ZFAND2A: variants seen among roughly 807,000 people sequenced by gnomAD.
ZFAND2A encodes zinc finger AN1-type containing 2A, also known as AN1-type zinc finger protein 2A.
ZFAND2A carries 20 observed loss-of-function variants against 11.6 expected under a neutral mutation model. The observed-to-expected ratio is 1.72, with a 90% confidence interval of 1.21 to 2.50. ZFAND2A has a LOEUF of 2.50. Ranked by LOEUF, ZFAND2A falls within the 30% of genes most tolerant of loss-of-function variation. The pLI, the probability that ZFAND2A is intolerant of heterozygous loss-of-function variation, is 0.00. For synonymous variants in ZFAND2A, 93 were observed against 60.6 expected (o/e 1.54, Z -2.48); for missense variants, 234 against 182.9 (o/e 1.28, Z -1.61).
At position 1,153,074 on chromosome 7, in the gene ZFAND2A, C is replaced by A. The variant is rs760242065; in HGVS notation, c.433G>T (p.Gly145Trp). 27 of 1,614,062 alleles carry A rather than the reference C, an allele frequency of 1.7e-5. No individual in the cohort carries two copies. The highest frequency in any genetic ancestry group is 3.3e-4 in the Middle Eastern group (2 of 6,084). Reference protein sequence around the residue: ...RHGSRPTIKAG With the variant: ...RHGSRPTIKAW ...CATCGCAGCGGAGTCTCTTCTCACC[C>A]AGCTTTGATGGTGGGGCGACTCCCG... The change falls in exon 5 of 5, where the codon GGG (glycine) becomes TGG (tryptophan). Residue 145 changes from glycine (G) to tryptophan (W), a missense_variant. Coordinates refer to ENST00000316495, the MANE Select transcript of ZFAND2A (RefSeq NM_182491.4).
At chr7:1,155,624 CAACTTAAACTCACAGAAGTTTTA>C (rs1234182834) in intron 3 of ZFAND2A, 40 bp from the exon 4 acceptor site, 1 of 1,602,398 alleles carries the variant, frequency 6.2e-7, no homozygotes, top group African/African-American at 1.3e-5. Context: ...GAGACTCATG[CAACTTAAACTCACAGAAGTTTTA>C]AACGAGTACT....
At position 1,157,733 on chromosome 7, in the gene ZFAND2A, A is replaced by AT; in HGVS notation, c.72dup (p.Cys25MetfsTer2). 6.4e-7 allele frequency: 1 copy of AT among 1,556,130 alleles called. No individual in the cohort carries two copies. The highest frequency in any genetic ancestry group is 8.7e-7 in the Non-Finnish European group (1 of 1,155,246). On this transcript the variant is annotated frameshift_variant, in exon 3 of 5. Coordinates refer to ENST00000316495, the MANE Select transcript of ZFAND2A (RefSeq NM_182491.4). LOFTEE classifies it high-confidence loss of function. ...CAGAAATCTTGTTTACATGCATCAC[A>AT]TTTTACTGGAAGAAAATCTAAAAAA...
chr7:1,155,023 C>T (rs1205121188), intron 4 of ZFAND2A, among the ~76,000 whole-genome samples: 1 of 152,186 alleles, frequency 6.6e-6, no homozygotes, highest in Non-Finnish European at 1.5e-5. Flanking sequence ...GAGGCTGAGA[C>T]AGGAGAATCG....
chr7:1,156,735 G>A (rs1448125816), intron 3 of ZFAND2A, among the ~76,000 whole-genome samples: 3 of 152,264 alleles, frequency 2.0e-5, no homozygotes, highest in Admixed American at 6.5e-5. Context: ...GAGCACACCC[G>A]TCTACAGCCC....
At position 1,155,526 on chromosome 7, in the gene ZFAND2A, T is replaced by C; in HGVS notation, c.209A>G (p.Gln70Arg). The change falls in exon 4 of 5, where the codon CAG (glutamine) becomes CGG (arginine). Residue 70 changes from glutamine (Q) to arginine (R), a missense_variant. By Grantham distance (43) the Gln-to-Arg change is conservative (BLOSUM62 1). Coordinates refer to ENST00000316495, the MANE Select transcript of ZFAND2A (RefSeq NM_182491.4). Reference sequence around the variant, plus strand: ...ATCACCAACCACCACGTCTGGTATCTGGCCCTTTTTTACTGGGATGGGGGT... The same window carrying C: ...ATCACCAACCACCACGTCTGGTATCCGGCCCTTTTTTACTGGGATGGGGGT... Reference protein sequence around the residue: ...CNTPIPVKKGQIPDVVVGDHI... With the variant: ...CNTPIPVKKGRIPDVVVGDHI... 2 of 1,613,938 alleles carry C rather than the reference T, an allele frequency of 1.2e-6. No homozygotes were observed. Among genetic ancestry groups the C allele is most frequent in the Non-Finnish European group, 1.7e-6 (2 of 1,179,930 alleles).
intron 3 of ZFAND2A, 35 bp from the exon 4 acceptor site, chr7:1,155,619 T>G (rs1793508034): frequency 6.2e-7 from 1 of 1,605,556 alleles, no homozygotes. Context: ...CATCTGAGAC[T>G]CATGCAACTT....
At position 1,157,671 on chromosome 7, in the gene ZFAND2A, C is replaced by A. The variant is rs542673088; in HGVS notation, c.135G>T (p.Pro45=). ...DHFPYAAHKC[P]FAFQKDVHVP... ...GATCAATTACCTTCTGGAATGCAAA[C>A]GGACACTTATGTGCAGCGTATGGAA... The change falls in exon 3 of 5, where the codon CCG becomes CCT. Residue 45 remains proline, a synonymous_variant. Transcript: ENST00000316495. The A allele has an allele frequency of 3.8e-6, 6 of 1,576,518 alleles. No individual in the cohort carries two copies. The highest frequency in any genetic ancestry group is 5.1e-6 in the Non-Finnish European group (6 of 1,166,986).
chr7:1,158,798 G>A (rs1793596931), intron 1 of ZFAND2A, among the ~76,000 whole-genome samples: 2 of 152,168 alleles, frequency 1.3e-5, no homozygotes, highest in Admixed American at 6.6e-5. Context: ...ATGGAAAACA[G>A]GCAGACAGCT....
downstream of ZFAND2A, among the ~76,000 whole-genome samples, chr7:1,149,715 T>C (rs1366597088): frequency 1.3e-5 from 2 of 152,244 alleles, no homozygotes; most frequent in Admixed American, 6.5e-5. Flanking sequence ...AGAGTGCTAC[T>C]GCGCTGAATG....
Position 1,157,581 on chromosome 7 carries a change from G to A in ZFAND2A, c.150+75C>T. The A allele has an allele frequency of 2.8e-6, 4 of 1,409,506 alleles. No individual in the cohort carries two copies. In the South Asian group the frequency reaches 5.2e-5, roughly 18 times the overall value. 87.3% of individuals were successfully genotyped at this position (1,409,506 alleles called of 1,614,324 possible). ...TCAATGAGTTAGCCATACGTCGCTA[G>A]TCCCTACCATACCAGCAAGACAGTG... On this transcript the variant is annotated intron_variant, in intron 3 of 4. Transcript: ENST00000316495.
At position 1,152,991 on chromosome 7, in the gene ZFAND2A, G is replaced by C. The variant is rs751897360; in HGVS notation, c.*78C>G. ...CCAGTGTGGGATGGTGCTCAATGGG[G>C]CTCCACTTCCCACTAGAGTGTAAGC... On this transcript the variant is annotated 3_prime_UTR_variant, in exon 5 of 5. Coordinates refer to ENST00000316495, the MANE Select transcript of ZFAND2A (RefSeq NM_182491.4). 33 of 1,576,550 alleles carry C rather than the reference G, an allele frequency of 2.1e-5. No individual in the cohort carries two copies. The African/African-American group carries it at 4.0e-4, about 19-fold the overall frequency.
chr7:1,152,389 C>A (rs763363663), downstream of ZFAND2A: 3 of 1,482,294 alleles, frequency 2.0e-6, no homozygotes, highest in South Asian at 1.3e-5. Flanking sequence ...ATGTGCTGAC[C>A]GCAAGAACCC....
Position 1,153,003 on chromosome 7 carries a change from A to T in ZFAND2A, c.*66T>A, listed in dbSNP as rs1468328791. 3.1e-6 allele frequency: 5 copies of T among 1,600,032 alleles called. No individual in the cohort carries two copies. Among genetic ancestry groups the T allele is most frequent in the Non-Finnish European group, 4.3e-6 (5 of 1,172,010 alleles). On this transcript the variant is annotated 3_prime_UTR_variant, in exon 5 of 5. Coordinates refer to ENST00000316495, the MANE Select transcript of ZFAND2A (RefSeq NM_182491.4). ...GGTGCTCAATGGGGCTCCACTTCCC[A>T]CTAGAGTGTAAGCTGCTTCCACGCA...
chr7:1,155,722 A>G, intron 3 of ZFAND2A, 138 bp from the exon 4 acceptor site: 2 of 1,082,360 alleles, frequency 1.8e-6, no homozygotes, highest in Non-Finnish European at 2.6e-6. Flanking sequence ...TCCGAGAACA[A>G]AGCATCACTG....
At position 1,155,507 on chromosome 7, in the gene ZFAND2A, A is replaced by G. The variant is rs1207409915; in HGVS notation, c.228T>C (p.Val76=). Residue 76 remains valine (V), a synonymous_variant, in exon 4 of 5, where the codon GTT becomes GTC. Coordinates refer to ENST00000316495, the MANE Select transcript of ZFAND2A (RefSeq NM_182491.4). Reference sequence around the variant, plus strand: ...CACAGTCTCTGTCAATGTGATCACCAACCACCACGTCTGGTATCTGGCCCT... The same window carrying G: ...CACAGTCTCTGTCAATGTGATCACCGACCACCACGTCTGGTATCTGGCCCT... ...VKKGQIPDVV[V]GDHIDRDCDS... is the part of the protein sequence containing the mutation. The G allele has an allele frequency of 5.6e-6, 9 of 1,613,864 alleles. No homozygotes were observed. In the East Asian group the frequency reaches 1.8e-4, roughly 32 times the overall value.
chr7:1,150,544 G>C (rs923093249), downstream of ZFAND2A, among the ~76,000 whole-genome samples: 2 of 152,170 alleles, frequency 1.3e-5, no homozygotes, highest in Non-Finnish European at 2.9e-5. Flanking sequence ...CGTTACCCGT[G>C]TTCATCACTT....
At chr7:1,149,810 C>T (rs1452856619), downstream of ZFAND2A, among the ~76,000 whole-genome samples, 17 of 152,136 alleles carry the variant, frequency 1.1e-4, 1 homozygote, top group South Asian at 3.3e-3. Context: ...AGGATTCCAT[C>T]CCAGTGTTCT....
chr7:1,153,143 A>G lies in ZFAND2A; in HGVS notation c.364T>C (p.Phe122Leu). ...AAAGGGTGTCTGTGCTGGATACAGAAGTTGCCGTGACATTGGGCACATACC... is the reference window on the plus strand; with the variant it reads ...AAAGGGTGTCTGTGCTGGATACAGAGGTTGCCGTGACATTGGGCACATACC... ...QMVCAQCHGN[F>L]CIQHRHPLDH... is the part of the protein sequence containing the mutation. Residue 122 changes from phenylalanine (F) to leucine (L), a missense_variant, in exon 5 of 5, where the codon TTC becomes CTC. By Grantham distance (22) the Phe-to-Leu change is conservative. Transcript: ENST00000316495. 6.2e-7 allele frequency: 1 copy of G among 1,614,218 alleles called. No individual in the cohort carries two copies. The highest frequency in any genetic ancestry group is 2.2e-5 in the East Asian group (1 of 44,890).
rs1279102563 is a variant in ZFAND2A at position 1,154,153 on chromosome 7, A to G, written c.283-929T>C. 2.6e-5 allele frequency among the ~76,000 whole-genome samples: 4 copies of G among 151,476 alleles called. No individual in the cohort carries two copies. In the East Asian group the frequency reaches 7.8e-4, roughly 29 times the overall value. On this transcript the variant is annotated intron_variant, in intron 4 of 4. Coordinates refer to ENST00000316495, the MANE Select transcript of ZFAND2A (RefSeq NM_182491.4). ...AGTGGAGGTTGTCCCCATCAAGGGA[A>G]TATCTATCATGTCCCAGTACCCACC...
Sources: allele counts gnomAD v4.1 joint callset (sites outside exome capture counted in the v4.1 genomes callset), GRCh38; gene constraint gnomAD v4.1.1; transcripts MANE v1.5; gene names NCBI Gene and HGNC (gene_info 2026-07-23, HGNC 2026-07-21).